The following BAZ1B variants were observed in gnomAD, a reference collection of about 807,000 sequenced individuals.
BAZ1B encodes the protein bromodomain adjacent to zinc finger domain 1B, also known as tyrosine-protein kinase BAZ1B.
BAZ1B carries 22 observed loss-of-function variants against 153.8 expected under a neutral mutation model. The ratio of observed to expected loss-of-function variants is 0.14; its 90% confidence interval spans 0.10 to 0.20. The LOEUF (loss-of-function observed/expected upper bound fraction) is 0.20, where lower values mean the gene tolerates loss of function less well. BAZ1B is among the 10% of genes least tolerant of loss of function. The probability of loss-of-function intolerance (pLI) is 1.00; values close to 1 mark genes in which losing one functional copy is unlikely to be tolerated. For synonymous variants in BAZ1B, 676 were observed against 633.4 expected, an observed-to-expected ratio of 1.07 and a Z score of -1.01; for missense variants, 1,325 against 1,799.3, an observed-to-expected ratio of 0.74 and a Z score of 4.77.
At chr7:73,447,766 A>G (rs1787891514) in intron 15 of BAZ1B, among the ~76,000 whole-genome samples, 1 of 152,374 alleles carries the variant, frequency 6.6e-6, no homozygotes, top group Middle Eastern at 3.4e-3. Flanking sequence ...TCTGAGGTAG[A>G]CTGAAAAGAA....
rs1789706712 is a variant in BAZ1B at position 73,492,855 on chromosome 7, G to C, written c.638C>G (p.Ala213Gly). The C allele has an allele frequency of 1.2e-6, 2 of 1,610,272 alleles. No homozygotes were observed. The highest frequency in any genetic ancestry group is 1.7e-6 in the Non-Finnish European group (2 of 1,178,760). ...TSLKKGERKW[A>G]PPKFLPHKYD... ...TTTGTGAGGCAGAAATTTTGGAGGA[G>C]CCCATTTCCTTTCTCCTTTTTTTAA... is the stretch of plus-strand genomic sequence containing the variant. Residue 213 changes from alanine (A) to glycine (G), a missense_variant, in exon 5 of 20, where the codon GCT becomes GGT. Coordinates refer to ENST00000339594, the MANE Select transcript of BAZ1B (RefSeq NM_032408.4).
chr7:73,511,513 T>C (rs1790578834), intron 1 of BAZ1B, among the ~76,000 whole-genome samples: 1 of 149,422 alleles, frequency 6.7e-6, no homozygotes, highest in Admixed American at 6.6e-5. Context: ...AAAATAAAAA[T>C]AAAAAATAAT....
chr7:73,513,245 G>A (rs930879295), intron 1 of BAZ1B, among the ~76,000 whole-genome samples: 2 of 152,138 alleles, frequency 1.3e-5, no homozygotes, highest in Admixed American at 1.3e-4. Flanking sequence ...GAGCCACCAC[G>A]CCCAGCCGCA....
rs781817338 is a variant in BAZ1B at position 73,477,217 on chromosome 7, G to T, written c.2244C>A (p.Ile748=). 1.2e-6 allele frequency: 2 copies of T among 1,614,110 alleles called. No homozygotes were observed. The highest frequency in any genetic ancestry group is 1.7e-6 in the Non-Finnish European group (2 of 1,180,056). ...FELTSEEKLQ[I]LTALCHRILM... ...GGATCCGGTGGCACAGTGCTGTCAA[G>T]ATCTGTAGCTTCTCCTCTGACGTCA... is the stretch of plus-strand genomic sequence containing the variant. The change falls in exon 7 of 20, where the codon ATC becomes ATA. Residue 748 remains isoleucine (I), a synonymous_variant. Coordinates refer to ENST00000339594, the MANE Select transcript of BAZ1B (RefSeq NM_032408.4). The surrounding 1 kb of genome is among the most constrained non-coding windows in gnomAD (Gnocchi z 5.6).
chr7:73,457,945 C>T (rs1299658213), intron 13 of BAZ1B, among the ~76,000 whole-genome samples: 3 of 152,222 alleles, frequency 2.0e-5, no homozygotes, highest in African/African-American at 7.2e-5. Flanking sequence ...CCTTGTTCCA[C>T]ACGTCTCATC....
intron 4 of BAZ1B, 31 bp from the exon 5 acceptor site, chr7:73,492,952 C>T (rs369155676): frequency 2.0e-5 from 31 of 1,556,368 alleles, no homozygotes; most frequent in Non-Finnish European, 2.6e-5. Context: ...TAGTGAAAAA[C>T]GTAATTATTT....
chr7:73,510,828 C>G lies in BAZ1B; in HGVS notation c.132G>C (p.Arg44Ser). Residue 44 changes from arginine (R) to serine (S), a missense_variant, in exon 2 of 20, where the codon AGG (arginine) becomes AGC (serine). Physicochemically the swap from Arg to Ser is moderately radical, Grantham distance 110. This residue lies in a region of BAZ1B where 61 missense variants were observed against 61.5 expected (regional missense o/e 0.99). Transcript: ENST00000339594. ...TREEYEARLE[R>S]YSERIWTCKS... The stretch of plus-strand genomic sequence containing the variant: ...TGCACGTCCAAATGCGCTCACTGTA[C>G]CTTTCCAAGCGGGCTTCATACTCTC... The G allele has an allele frequency of 1.2e-6, 2 of 1,614,162 alleles. No individual in the cohort carries two copies. The highest frequency in any genetic ancestry group is 1.7e-6 in the Non-Finnish European group (2 of 1,180,026).
chr7:73,470,753 T>C (rs1788771469), intron 7 of BAZ1B, among the ~76,000 whole-genome samples: 1 of 152,196 alleles, frequency 6.6e-6, no homozygotes, highest in African/African-American at 2.4e-5. Context: ...GTTTTTGTTT[T>C]GAGGCAGAGT....
At chr7:73,451,402 A>G (rs1204832684) in intron 13 of BAZ1B, among the ~76,000 whole-genome samples, 1 of 152,236 alleles carries the variant, frequency 6.6e-6, no homozygotes, top group Non-Finnish European at 1.5e-5. Context: ...CCCGAAGCAA[A>G]GAAGTCCTTG....
intron 11 of BAZ1B, among the ~76,000 whole-genome samples, chr7:73,463,432 G>A (rs1430984113): frequency 1.3e-5 from 2 of 151,582 alleles, no homozygotes; most frequent in Non-Finnish European, 1.5e-5. Flanking sequence ...TAGGGATGGG[G>A]TCTTGCTATG....
chr7:73,498,637 T>C lies in BAZ1B; in HGVS notation c.431A>G (p.Asp144Gly). ...AGATTTCTTCTCAGTGGCCTCTTCA[T>C]CCACTTTCTCCAAAGGATGAATCTT... Reference protein sequence around the residue: ...IVKIHPLEKVDEEATEKKSDG... With the variant: ...IVKIHPLEKVGEEATEKKSDG... The change falls in exon 4 of 20, where the codon GAT (aspartate) becomes GGT (glycine). Residue 144 changes from aspartate to glycine, a missense_variant. Around this residue, in one of 9 missense-constraint regions of BAZ1B, gnomAD observed 153 missense variants for 204.8 expected, o/e 0.75. Coordinates refer to ENST00000339594, the MANE Select transcript of BAZ1B (RefSeq NM_032408.4). 1 of 1,614,156 alleles carries C rather than the reference T, an allele frequency of 6.2e-7. No homozygotes were observed. Among genetic ancestry groups the C allele is most frequent in the East Asian group, 2.2e-5 (1 of 44,870 alleles).
At chr7:73,501,693 TTC>T (rs1180122536) in intron 3 of BAZ1B, among the ~76,000 whole-genome samples, 7 of 152,104 alleles carry the variant, frequency 4.6e-5, no homozygotes, top group Non-Finnish European at 1.0e-4. Context: ...ACACACCCTG[TTC>T]TCTCTCCCTG....
chr7:73,481,787 C>T (rs782787002), intron 6 of BAZ1B, among the ~76,000 whole-genome samples: 12 of 152,130 alleles, frequency 7.9e-5, no homozygotes, highest in Non-Finnish European at 1.6e-4. Context: ...CCTGTAATCC[C>T]AGCACTTTGG....
chr7:73,473,760 GGAA>G (rs1554572391), intron 7 of BAZ1B, among the ~76,000 whole-genome samples: 4 of 152,156 alleles, frequency 2.6e-5, no homozygotes. Context: ...GGCTGAAGCA[GGAA>G]GATTGCTTGA....
intron 1 of BAZ1B, among the ~76,000 whole-genome samples, chr7:73,521,175 G>A (rs922584339): frequency 1.3e-5 from 2 of 152,084 alleles, no homozygotes; most frequent in Non-Finnish European, 2.9e-5. Flanking sequence ...TGTCTGCCCA[G>A]GGAAGGCAGG....
chr7:73,516,512 C>T (rs916601321), intron 1 of BAZ1B, among the ~76,000 whole-genome samples: 46 of 151,726 alleles, frequency 3.0e-4, no homozygotes, highest in African/African-American at 6.8e-4. Context: ...GGGCCAGGCG[C>T]GGTGGCTCAC....
chr7:73,478,980 G>C (rs1419584532), intron 6 of BAZ1B, among the ~76,000 whole-genome samples: 4 of 152,142 alleles, frequency 2.6e-5, no homozygotes, highest in Non-Finnish European at 5.9e-5. Context: ...AGTTTAAAAA[G>C]CACTGTTCTT....
intron 16 of BAZ1B, among the ~76,000 whole-genome samples, chr7:73,446,220 G>A (rs1309723577): frequency 6.6e-6 from 1 of 152,124 alleles, no homozygotes; most frequent in East Asian, 1.9e-4. Context: ...CTATGATCTT[G>A]GGAACTGTAC....
At chr7:73,460,944 G>C (rs1386981527) in intron 12 of BAZ1B, among the ~76,000 whole-genome samples, 1 of 151,554 alleles carries the variant, frequency 6.6e-6, no homozygotes, top group African/African-American at 2.4e-5. Flanking sequence ...AATATAACAA[G>C]ACCTATCTCT....
Sources: allele counts gnomAD v4.1 joint callset (sites outside exome capture counted in the v4.1 genomes callset), GRCh38; gene constraint gnomAD v4.1.1; regional missense constraint gnomAD v4.1.1; non-coding constraint Gnocchi (gnomAD v3.1); transcripts MANE v1.5; gene names NCBI Gene and HGNC (gene_info 2026-07-23, HGNC 2026-07-21).